CDH13: variants seen among roughly 807,000 people sequenced by gnomAD.
CDH13 encodes the protein cadherin-13.
A neutral mutation model predicts 63.8 loss-of-function variants in CDH13; 24 were observed. The observed-to-expected ratio is 0.38, with a 90% CI of 0.27 to 0.53. The LOEUF (loss-of-function observed/expected upper bound fraction) is 0.53. CDH13 is among the 20% of genes least tolerant of loss of function. The probability of loss-of-function intolerance (pLI) is 0.85; values close to 1 mark genes in which losing one functional copy is unlikely to be tolerated. For synonymous variants in CDH13, 503 were observed against 355.3 expected, an observed-to-expected ratio of 1.42 and a Z score of -4.67; for missense variants, 1,049 against 903.1, an observed-to-expected ratio of 1.16 and a Z score of -2.07.
intron 10 of CDH13, chr16:83,726,131 G>A (rs1910355698): frequency 6.6e-6 from 1 of 152,158 alleles, no homozygotes; most frequent in Admixed American, 6.5e-5. Context: ...CTTCCCACAA[G>A]GGATAATTTT....
chr16:82,717,561 C>CT (rs11462975), intron 1 of CDH13, among the ~76,000 whole-genome samples: 8,430 of 152,082 alleles, frequency 0.055, 288 homozygotes, highest in Middle Eastern at 0.11. Flanking sequence ...TTGCTGGACT[C>CT]TTTTAGATCC....
Position 82,858,433 on chromosome 16 carries a change from T to A in CDH13, c.117T>A (p.Asn39Lys). The A allele has an allele frequency of 6.2e-7, 1 of 1,613,662 alleles. No individual in the cohort carries two copies. The highest frequency in any genetic ancestry group is 8.5e-7 in the Non-Finnish European group (1 of 1,179,548). ...PGFQQKVFHI[N>K]QPAEFIEDQS... ...TTCAGCAGAAAGTGTTCCATATCAATCAGCCAGCTGAATTCATTGAGGACC... is the reference window on the plus strand; with the variant it reads ...TTCAGCAGAAAGTGTTCCATATCAAACAGCCAGCTGAATTCATTGAGGACC... The change falls in exon 2 of 14, where the codon AAT becomes AAA. Residue 39 changes from asparagine (N) to lysine (K), a missense_variant. Asn to Lys is a moderately conservative substitution (Grantham distance 94). Coordinates refer to ENST00000567109, the MANE Select transcript of CDH13 (RefSeq NM_001257.5).
chr16:82,938,490 A>C (rs541236745), intron 2 of CDH13, among the ~76,000 whole-genome samples: 4 of 152,316 alleles, frequency 2.6e-5, no homozygotes, highest in East Asian at 3.9e-4. Flanking sequence ...AAGTGTAAAG[A>C]GTCTGTGGTA....
chr16:83,231,982 C>T (rs953964466), intron 5 of CDH13, among the ~76,000 whole-genome samples: 2 of 152,020 alleles, frequency 1.3e-5, no homozygotes, highest in Admixed American at 6.5e-5. Context: ...AAACCAAATA[C>T]CACATGTTCT....
At chr16:82,900,690 G>A (rs1181075225) in intron 2 of CDH13, among the ~76,000 whole-genome samples, 1 of 152,200 alleles carries the variant, frequency 6.6e-6, no homozygotes, top group Admixed American at 6.5e-5. Context: ...CGGGAGGGAT[G>A]AAATCAAGAG....
At chr16:83,501,089 C>T (rs569187165) in intron 7 of CDH13, among the ~76,000 whole-genome samples, 2 of 152,344 alleles carry the variant, frequency 1.3e-5, no homozygotes, top group East Asian at 3.9e-4. Context: ...ATAGCAATGG[C>T]TTTCCTGGCT....
At chr16:83,183,282 A>G (rs921043952) in intron 4 of CDH13, among the ~76,000 whole-genome samples, 6 of 152,204 alleles carry the variant, frequency 3.9e-5, no homozygotes, top group East Asian at 1.9e-4. Context: ...GCTTTTGGCT[A>G]TTGTCTGAAG....
chr16:83,751,232 C>T (rs1913057442), intron 11 of CDH13, among the ~76,000 whole-genome samples: 1 of 152,186 alleles, frequency 6.6e-6, no homozygotes, highest in Non-Finnish European at 1.5e-5. Context: ...TCGTGAAATG[C>T]TCCACATGCT....
At chr16:83,423,532 G>A (rs2071782464) in intron 6 of CDH13, among the ~76,000 whole-genome samples, 1 of 151,576 alleles carries the variant, frequency 6.6e-6, no homozygotes, top group South Asian at 2.1e-4. Flanking sequence ...CAAATGGGTA[G>A]AATTTTTCTA....
chr16:83,390,347 A>G (rs1389810157), intron 6 of CDH13, among the ~76,000 whole-genome samples: 1 of 152,158 alleles, frequency 6.6e-6, no homozygotes, highest in Non-Finnish European at 1.5e-5. Context: ...ATATGCCATA[A>G]TTTACGTAGA....
intron 1 of CDH13, among the ~76,000 whole-genome samples, chr16:82,853,045 C>A (rs763829901): frequency 1.3e-4 from 20 of 152,016 alleles, no homozygotes; most frequent in Non-Finnish European, 2.4e-4. Context: ...AAAAAGAAAA[C>A]CTGGTATAAA....
intron 1 of CDH13, among the ~76,000 whole-genome samples, chr16:82,803,566 C>T (rs76012821): frequency 0.055 from 8,347 of 152,106 alleles, 287 homozygotes; most frequent in Non-Finnish European, 0.067. Flanking sequence ...CGCTCTAAGT[C>T]GTTTAGGTGT....
intron 1 of CDH13, among the ~76,000 whole-genome samples, chr16:82,790,835 A>T (rs1045189438): frequency 6.6e-6 from 1 of 152,154 alleles, no homozygotes; most frequent in Non-Finnish European, 1.5e-5. Flanking sequence ...TGAGAACAGC[A>T]TGGGGAAAAC....
chr16:83,240,401 C>T (rs1904319455), intron 5 of CDH13, among the ~76,000 whole-genome samples: 1 of 152,082 alleles, frequency 6.6e-6, no homozygotes, highest in Non-Finnish European at 1.5e-5. Context: ...ACCAGGAATG[C>T]TGTAAACAGA....
chr16:83,024,809 G>A (rs1353141042), intron 2 of CDH13, among the ~76,000 whole-genome samples: 1 of 152,186 alleles, frequency 6.6e-6, no homozygotes, highest in African/African-American at 2.4e-5. Flanking sequence ...ATTTTGAGCA[G>A]GGCTCTGTAA....
intron 1 of CDH13, among the ~76,000 whole-genome samples, chr16:82,801,500 T>C (rs1229653066): frequency 1.3e-5 from 2 of 152,206 alleles, no homozygotes; most frequent in Middle Eastern, 3.2e-3. Flanking sequence ...AATCCAGAAA[T>C]GATCAGATTC....
At chr16:82,896,594 C>T (rs1427831393) in intron 2 of CDH13, among the ~76,000 whole-genome samples, 3 of 151,652 alleles carry the variant, frequency 2.0e-5, no homozygotes, top group Non-Finnish European at 2.9e-5. Flanking sequence ...AGGTGCCCAG[C>T]TCCAGGACAG....
rs73603817 is a variant in CDH13, at chr16:83,475,066, G to C, written c.782-11411G>C. On this transcript the variant is annotated intron_variant, in intron 6 of 13. Transcript: ENST00000567109. ...TGGCTCCTGGCTCTTGACCACGACT[G>C]GCTGCGTGATTTGCAGAGCCCATTG... Among the ~76,000 whole-genome samples the C allele has an allele frequency of 7.9e-3, 1,196 of 152,342 alleles. 6 individuals carry two copies. Among genetic ancestry groups the C allele is most frequent in the African/African-American group, 0.027 (1,104 of 41,588 alleles).
chr16:83,236,195 C>G (rs912739218), intron 5 of CDH13, among the ~76,000 whole-genome samples: 4 of 150,910 alleles, frequency 2.7e-5, no homozygotes, highest in African/African-American at 9.8e-5. Flanking sequence ...GTTCTGAAAA[C>G]ATAAGAACTG....
Sources: allele counts gnomAD v4.1 joint callset (sites outside exome capture counted in the v4.1 genomes callset), GRCh38; gene constraint gnomAD v4.1.1; transcripts MANE v1.5; gene names NCBI Gene and HGNC (gene_info 2026-07-23, HGNC 2026-07-21).